DGKI: variants seen among roughly 807,000 people sequenced by gnomAD.
DGKI encodes DAG kinase iota.
DGKI carries 55 observed loss-of-function variants against 147.5 expected under a neutral mutation model. That is an observed-to-expected ratio of 0.37 (90% CI 0.30 to 0.47). DGKI has a LOEUF of 0.47. DGKI is among the 20% of genes least tolerant of loss of function. The probability of loss-of-function intolerance (pLI) is 1.00; values close to 1 mark genes in which losing one functional copy is unlikely to be tolerated. For missense variants in DGKI, 1,007 were observed against 1,323.8 expected, an observed-to-expected ratio of 0.76 and a Z score of 3.71; for synonymous variants, 469 against 477.1, an observed-to-expected ratio of 0.98 and a Z score of 0.22.
intron 1 of DGKI, among the ~76,000 whole-genome samples, chr7:137,731,876 T>C (rs1433692353): frequency 1.3e-5 from 2 of 152,054 alleles, no homozygotes; most frequent in African/African-American, 4.8e-5. Context: ...TCCTACACCA[T>C]GCTTGATCAG....
At chr7:137,425,346 T>C (rs1256998961) in intron 28 of DGKI, among the ~76,000 whole-genome samples, 1 of 152,140 alleles carries the variant, frequency 6.6e-6, no homozygotes, top group Non-Finnish European at 1.5e-5. Flanking sequence ...GTCCTGTCTG[T>C]TAGAAGGAAA....
intron 1 of DGKI, among the ~76,000 whole-genome samples, chr7:137,836,360 G>A (rs1413838859): frequency 1.3e-5 from 2 of 152,150 alleles, no homozygotes; most frequent in Admixed American, 6.6e-5. Context: ...ACATACTGAC[G>A]AATTCTGAAG....
rs937995401 is a variant in DGKI, at chr7:137,416,702, C to T, written c.2762-4495G>A. ...TGGAAACAGTTAAGTTCCTACTCTT[C>T]GCTCCTTTTCTCCCCATAGCCAACA... is the stretch of plus-strand genomic sequence containing the variant. On this transcript the variant is annotated intron_variant, in intron 28 of 32. Transcript: ENST00000614521. 9.2e-5 allele frequency among the ~76,000 whole-genome samples: 14 copies of T among 152,236 alleles called. No homozygotes were observed. The East Asian group carries it at 1.2e-3, about 13-fold the overall frequency.
chr7:137,502,069 T>C (rs1170835210), intron 21 of DGKI, among the ~76,000 whole-genome samples: 2 of 152,150 alleles, frequency 1.3e-5, no homozygotes, highest in Non-Finnish European at 2.9e-5. Flanking sequence ...TCCCCCATGA[T>C]TGTGAGGCTT....
intron 5 of DGKI, among the ~76,000 whole-genome samples, chr7:137,653,116 G>GTA (rs774070465): frequency 6.6e-6 from 1 of 152,232 alleles, no homozygotes; most frequent in Non-Finnish European, 1.5e-5. Flanking sequence ...GTGTGTGTGT[G>GTA]TGTATGTGTG....
chr7:137,567,015 A>G (rs1241577227), intron 19 of DGKI, among the ~76,000 whole-genome samples: 1 of 112,278 alleles, frequency 8.9e-6, no homozygotes, highest in Non-Finnish European at 1.6e-5. Flanking sequence ...CTGTAACCCA[A>G]GCATTTTGAG....
rs149295510 is a variant in DGKI, at chr7:137,674,858, T to C, written c.606+3699A>G. ...TCAACCCACACTGACTTCTTCCTTC[T>C]CTTAACTTCTACTTGTGACATTTGC... On this transcript the variant is annotated intron_variant, in intron 3 of 32. Coordinates refer to ENST00000614521, the MANE Select transcript of DGKI (RefSeq NM_001321708.2). 1.8e-3 allele frequency among the ~76,000 whole-genome samples: 272 copies of C among 152,300 alleles called. No homozygotes were observed. In the Middle Eastern group the frequency reaches 0.024, roughly 13 times the overall value.
chr7:137,571,517 T>C (rs1316947229), intron 18 of DGKI, among the ~76,000 whole-genome samples: 1 of 152,248 alleles, frequency 6.6e-6, no homozygotes, highest in African/African-American at 2.4e-5. Flanking sequence ...TATCCAACTT[T>C]CTCCTCGTTC....
chr7:137,493,667 C>CA (rs1360443979), intron 21 of DGKI: 3 of 682,068 alleles, frequency 4.4e-6, no homozygotes, highest in South Asian at 3.2e-5. Context: ...AAACAAAAAC[C>CA]AAAAAAACAT....
chr7:137,737,898 C>A (rs1216794933), intron 1 of DGKI, among the ~76,000 whole-genome samples: 1 of 152,072 alleles, frequency 6.6e-6, no homozygotes, highest in East Asian at 1.9e-4. Flanking sequence ...AAAAATGGGA[C>A]CATTAATTTA....
intron 1 of DGKI, among the ~76,000 whole-genome samples, chr7:137,778,140 C>T (rs1463486994): frequency 6.6e-6 from 1 of 152,120 alleles, no homozygotes; most frequent in African/African-American, 2.4e-5. Flanking sequence ...ATGAGTAGCC[C>T]ACTTTCAATA....
intron 1 of DGKI, among the ~76,000 whole-genome samples, chr7:137,793,231 A>C (rs1308179080): frequency 6.6e-6 from 1 of 152,048 alleles, no homozygotes; most frequent in South Asian, 2.1e-4. Flanking sequence ...TAGATAACGA[A>C]AAAAAGCCCT....
chr7:137,388,968 T>TA lies in DGKI; in HGVS notation c.*2251dup, dbSNP rs1277853232. 2 of 152,172 alleles carry TA rather than the reference T, an allele frequency of 1.3e-5. No individual in the cohort carries two copies. The highest frequency in any genetic ancestry group is 2.9e-5 in the Non-Finnish European group (2 of 68,028). 9.4% of individuals were successfully genotyped at this position (152,172 alleles called of 1,614,324 possible). A position where few individuals can be genotyped will look rare whatever the true frequency, so the allele number is the denominator to read the frequency against. On this transcript the variant is annotated 3_prime_UTR_variant, in exon 33 of 33. Transcript: ENST00000614521. The stretch of plus-strand genomic sequence containing the variant: ...TTTCTCTGGGCTACTTGGAAGTATT[T>TA]AGAGAAATGTGAGATGGTAGTTGAT...
intron 28 of DGKI, among the ~76,000 whole-genome samples, chr7:137,433,841 G>C (rs1813176107): frequency 6.6e-6 from 1 of 152,214 alleles, no homozygotes; most frequent in African/African-American, 2.4e-5. Context: ...CTAGGGGCCG[G>C]GCGTGGTGGC....
chr7:137,538,270 A>C lies in DGKI; in HGVS notation c.2147+14099T>G, dbSNP rs4081768. On this transcript the variant is annotated intron_variant, in intron 20 of 32. Transcript: ENST00000614521. ...CTCAACCTAAAACAGAACCATAAAAAATTTTAATATATCGAAAATATTTCC... is the reference window on the plus strand; with the variant it reads ...CTCAACCTAAAACAGAACCATAAAACATTTTAATATATCGAAAATATTTCC... 5.5e-3 allele frequency among the ~76,000 whole-genome samples: 840 copies of C among 152,328 alleles called. 7 individuals carry two copies. The highest frequency in any genetic ancestry group is 0.02 in the African/African-American group (818 of 41,564).
chr7:137,546,169 C>T (rs770536447), intron 20 of DGKI, among the ~76,000 whole-genome samples: 3 of 152,174 alleles, frequency 2.0e-5, no homozygotes, highest in Non-Finnish European at 4.4e-5. Flanking sequence ...ACGAAGCCAA[C>T]AGGACACACG....
chr7:137,487,463 G>A, intron 22 of DGKI, 147 bp downstream of exon 22: 1 of 721,420 alleles, frequency 1.4e-6, no homozygotes, highest in Non-Finnish European at 2.5e-6. Context: ...GGGAGAGGGT[G>A]ACATACAGCG....
intron 3 of DGKI, among the ~76,000 whole-genome samples, chr7:137,672,691 C>A (rs1288724453): frequency 6.8e-6 from 1 of 147,814 alleles, no homozygotes; most frequent in Non-Finnish European, 1.5e-5. Flanking sequence ...AGGGCCTTGG[C>A]TTGCAGCTGC....
chr7:137,741,931 A>G (rs574005153), intron 1 of DGKI, among the ~76,000 whole-genome samples: 1 of 152,298 alleles, frequency 6.6e-6, no homozygotes, highest in East Asian at 1.9e-4. Flanking sequence ...CAATGTAAAA[A>G]AAAATTCTTA....
Sources: allele counts gnomAD v4.1 joint callset (sites outside exome capture counted in the v4.1 genomes callset), GRCh38; gene constraint gnomAD v4.1.1; transcripts MANE v1.5; gene names NCBI Gene and HGNC (gene_info 2026-07-23, HGNC 2026-07-21).